SLC35F4: variants seen among roughly 807,000 people sequenced by gnomAD.
The protein encoded by SLC35F4 is chromosome 14 open reading frame 36.
In SLC35F4, 24 loss-of-function variants were observed where a neutral mutation model predicts 44.2. That is an observed-to-expected ratio of 0.54 (90% CI 0.39 to 0.76). The LOEUF is 0.76. Among genes scored for constraint, SLC35F4 ranks in the 30% least tolerant of loss-of-function variants. SLC35F4 has a pLI of 0.00. For synonymous variants in SLC35F4, 238 were observed against 223.6 expected (o/e 1.06, Z -0.57); for missense variants, 562 against 586.1 (o/e 0.96, Z 0.42).
intron 1 of SLC35F4, among the ~76,000 whole-genome samples, chr14:57,667,334 G>T (rs1192932937): frequency 2.0e-5 from 3 of 150,028 alleles, no homozygotes; most frequent in Non-Finnish European, 2.9e-5. Context: ...TTTTGTTGTT[G>T]TTGTTTATTT....
intron 1 of SLC35F4, among the ~76,000 whole-genome samples, chr14:57,794,465 A>C (rs1202932773): frequency 6.6e-6 from 1 of 152,160 alleles, no homozygotes; most frequent in African/African-American, 2.4e-5. Flanking sequence ...ACTAATCATC[A>C]GGGAAATGCA....
chr14:57,739,729 T>C (rs1354546337), intron 1 of SLC35F4, among the ~76,000 whole-genome samples: 2 of 152,232 alleles, frequency 1.3e-5, no homozygotes, highest in East Asian at 1.9e-4. Flanking sequence ...ATTTATTACA[T>C]TCCTTATCTC....
At chr14:57,866,174 C>A, upstream of SLC35F4, 1 of 161,710 alleles carries the variant, frequency 6.2e-6, no homozygotes, top group South Asian at 1.9e-4. Context: ...CATCATTAAC[C>A]CTTGCGCGAT....
rs562505345 is a variant in SLC35F4, at chr14:57,921,689, G to A, written n.282+60224C>T. 3.9e-5 allele frequency among the ~76,000 whole-genome samples: 6 copies of A among 152,222 alleles called. No homozygotes were observed. The South Asian group carries it at 1.2e-3, about 32-fold the overall frequency. On this transcript the variant is annotated intron_variant and non_coding_transcript_variant, in intron 1 of 1. Coordinates refer to the SLC35F4 transcript ENST00000556568. The stretch of plus-strand genomic sequence containing the variant: ...GCCTGCTGGCAGCCATCTTCTCCCT[G>A]TCTTCCCTTCATGTGGGTCTGTATC...
At chr14:57,900,459 C>T (rs1322479739) in intron 1 of SLC35F4, among the ~76,000 whole-genome samples, 1 of 152,190 alleles carries the variant, frequency 6.6e-6, no homozygotes, top group Non-Finnish European at 1.5e-5. Flanking sequence ...CAACCTGGAC[C>T]TGGGGAGGTG....
chr14:57,732,055 T>G (rs1566804226), intron 1 of SLC35F4, among the ~76,000 whole-genome samples: 1 of 152,156 alleles, frequency 6.6e-6, no homozygotes, highest in African/African-American at 2.4e-5. Flanking sequence ...AGGTCAAAAT[T>G]TAAGAGGTAA....
intron 4 of SLC35F4, among the ~76,000 whole-genome samples, chr14:57,579,712 C>G (rs1594924420): frequency 6.6e-6 from 1 of 152,110 alleles, no homozygotes; most frequent in Non-Finnish European, 1.5e-5. Context: ...TCAATCGAAC[C>G]CCCACTTCGT....
chr14:57,946,469 C>CTTTTTTT (rs71104596), intron 1 of SLC35F4, among the ~76,000 whole-genome samples: 21 of 78,210 alleles, frequency 2.7e-4, no homozygotes, highest in Non-Finnish European at 3.5e-4. Flanking sequence ...GTTTTCTTTT[C>CTTTTTTT]TTTTTTTTTT....
intron 1 of SLC35F4, among the ~76,000 whole-genome samples, chr14:57,950,692 CAG>C (rs755880534): frequency 3.3e-3 from 148 of 44,506 alleles, no homozygotes; most frequent in Non-Finnish European, 5.2e-3. Flanking sequence ...TTTTTTGAGA[CAG>C]AGTCTTACTG....
chr14:57,903,177 G>C (rs1282790955), intron 1 of SLC35F4, among the ~76,000 whole-genome samples: 1 of 152,262 alleles, frequency 6.6e-6, no homozygotes, highest in South Asian at 2.1e-4. Flanking sequence ...CCTTGGTTTT[G>C]TAGTAGGGAA....
At chr14:57,948,800 C>A (rs1890083173) in intron 1 of SLC35F4, among the ~76,000 whole-genome samples, 1 of 152,136 alleles carries the variant, frequency 6.6e-6, no homozygotes, top group Admixed American at 6.5e-5. Context: ...ACCCAAATAT[C>A]ATTCAAGAGC....
At chr14:57,847,587 G>T (rs1044563675) in intron 1 of SLC35F4, among the ~76,000 whole-genome samples, 1 of 152,162 alleles carries the variant, frequency 6.6e-6, no homozygotes, top group Non-Finnish European at 1.5e-5. Context: ...ACAAGGTCAT[G>T]TGAGGTATAA....
At chr14:57,788,008 A>G (rs2077811568) in intron 1 of SLC35F4, among the ~76,000 whole-genome samples, 1 of 152,204 alleles carries the variant, frequency 6.6e-6, no homozygotes, top group African/African-American at 2.4e-5. Context: ...CCAACCAACT[A>G]TCTGCTCCCT....
intron 1 of SLC35F4, among the ~76,000 whole-genome samples, chr14:57,848,889 G>A (rs919227140): frequency 1.3e-5 from 2 of 152,116 alleles, no homozygotes; most frequent in Admixed American, 6.6e-5. Context: ...TATTGTCCCC[G>A]TGGAACTTGG....
chr14:57,768,474 T>C (rs902086559), intron 1 of SLC35F4, among the ~76,000 whole-genome samples: 13 of 152,178 alleles, frequency 8.5e-5, no homozygotes, highest in African/African-American at 2.9e-4. Context: ...CAGCAAAATA[T>C]ACTGGGGGTG....
intron 1 of SLC35F4, among the ~76,000 whole-genome samples, chr14:57,903,034 A>C (rs1305855484): frequency 3.3e-5 from 5 of 151,942 alleles, no homozygotes; most frequent in Admixed American, 3.3e-4. Context: ...AGGTTTTTTT[A>C]TTGTCTTTCT....
chr14:57,907,303 A>G (rs370545073), intron 1 of SLC35F4, among the ~76,000 whole-genome samples: 66 of 152,168 alleles, frequency 4.3e-4, no homozygotes, highest in Non-Finnish European at 7.8e-4. Flanking sequence ...TAACTTTCAT[A>G]TGCACTGGAA....
intron 7 of SLC35F4, among the ~76,000 whole-genome samples, chr14:57,565,595 C>A (rs750285209): frequency 6.6e-6 from 1 of 152,090 alleles, no homozygotes; most frequent in Non-Finnish European, 1.5e-5. Context: ...GATGAATGAA[C>A]GAAACTCCTT....
intron 3 of SLC35F4, among the ~76,000 whole-genome samples, chr14:57,583,476 C>A (rs2069449579): frequency 6.6e-6 from 1 of 152,164 alleles, no homozygotes; most frequent in Non-Finnish European, 1.5e-5. Context: ...GTTCTTCAAC[C>A]AAGAGCTGGG....
Sources: gnomAD v4.1 joint callset for allele counts (sites outside exome capture counted in the v4.1 genomes callset) on GRCh38, gnomAD v4.1.1 for gene constraint, MANE v1.5 for transcripts, NCBI Gene and HGNC (gene_info 2026-07-23, HGNC 2026-07-21) for gene names.